Variants in PDE4B observed in about 807,000 individuals in gnomAD.
PDE4B encodes the protein phosphodiesterase 4B.
PDE4B carries 20 observed loss-of-function variants against 82.2 expected under a neutral mutation model. The ratio of observed to expected loss-of-function variants is 0.24; its 90% CI spans 0.17 to 0.35. PDE4B has a LOEUF of 0.35. Among genes scored for constraint, PDE4B ranks in the 10% least tolerant of loss-of-function variants. The pLI is 1.00. For synonymous variants in PDE4B, 320 were observed against 318.9 expected (o/e 1.00, Z -0.04); for missense variants, 655 against 907.2 (o/e 0.72, Z 3.57).
intron 6 of PDE4B, among the ~76,000 whole-genome samples, chr1:66,262,784 C>T (rs1416974830): frequency 6.6e-6 from 1 of 152,146 alleles, no homozygotes; most frequent in Non-Finnish European, 1.5e-5. Context: ...CCAAAGCTTC[C>T]ACACAGAGAT....
At chr1:66,218,772 A>G (rs1650718050) in intron 3 of PDE4B, among the ~76,000 whole-genome samples, 2 of 152,108 alleles carry the variant, frequency 1.3e-5, no homozygotes, top group Admixed American at 6.6e-5. Context: ...ATATTTATTC[A>G]TTTTAGCACT....
chr1:65,797,991 A>C (rs910592088), intron 1 of PDE4B, among the ~76,000 whole-genome samples: 2 of 151,928 alleles, frequency 1.3e-5, no homozygotes, highest in African/African-American at 4.8e-5. Flanking sequence ...TTATTTTTTA[A>C]TTTTAAAAAT....
intron 3 of PDE4B, among the ~76,000 whole-genome samples, chr1:66,156,769 A>T (rs1391367067): frequency 6.6e-6 from 1 of 152,164 alleles, no homozygotes; most frequent in Non-Finnish European, 1.5e-5. Flanking sequence ...AGGAATGCCC[A>T]TCGTGTCTAT....
chr1:66,050,109 A>G (rs1654936353), intron 3 of PDE4B, among the ~76,000 whole-genome samples: 1 of 152,128 alleles, frequency 6.6e-6, no homozygotes, highest in African/African-American at 2.4e-5. Flanking sequence ...TATATCCTCA[A>G]CAAATTAAAG....
In PDE4B at chr1:66,362,715, A is replaced by G. The variant is rs116613968; in HGVS notation, c.1021-453A>G. On this transcript the variant is annotated intron_variant, in intron 10 of 16. Coordinates refer to ENST00000341517, the MANE Select transcript of PDE4B (RefSeq NM_002600.4). Reference sequence around the variant, plus strand: ...ATTGGGTTGACTTATGCACATTCTGATAGCTGAGTCTTCCTGATCTGGCCT... The same window carrying G: ...ATTGGGTTGACTTATGCACATTCTGGTAGCTGAGTCTTCCTGATCTGGCCT... 5.6e-3 allele frequency among the ~76,000 whole-genome samples: 857 copies of G among 152,226 alleles called. 9 individuals are homozygous for G. The highest frequency in any genetic ancestry group is 0.02 in the African/African-American group (812 of 41,542).
chr1:66,148,051 C>G (rs978792728), intron 3 of PDE4B, among the ~76,000 whole-genome samples: 1 of 152,088 alleles, frequency 6.6e-6, no homozygotes, highest in African/African-American at 2.4e-5. Flanking sequence ...TAGATGGATT[C>G]TTGAGGTCAG....
chr1:65,889,853 G>T (rs940975726), intron 1 of PDE4B, among the ~76,000 whole-genome samples: 2 of 152,008 alleles, frequency 1.3e-5, no homozygotes, highest in African/African-American at 4.8e-5. Context: ...TGTTCCTATG[G>T]AATACATGAC....
At chr1:66,081,793 G>A (rs1488096838) in intron 3 of PDE4B, among the ~76,000 whole-genome samples, 1 of 149,452 alleles carries the variant, frequency 6.7e-6, no homozygotes, top group Non-Finnish European at 1.5e-5. Flanking sequence ...TTCTACACGG[G>A]AGTGAAAAGT....
At chr1:66,328,983 T>C (rs1342519095) in intron 7 of PDE4B, among the ~76,000 whole-genome samples, 3 of 152,188 alleles carry the variant, frequency 2.0e-5, no homozygotes, top group African/African-American at 7.2e-5. Flanking sequence ...TTGTCTGCTG[T>C]GGATAGGGGC....
chr1:65,946,720 A>G (rs1648732484), intron 3 of PDE4B, among the ~76,000 whole-genome samples: 1 of 151,990 alleles, frequency 6.6e-6, no homozygotes. Flanking sequence ...TTCCAGTACT[A>G]TAGGTGATGT....
In PDE4B at chr1:66,210,595, C is replaced by CAAA. The variant is rs35825766; in HGVS notation, c.282-36843_282-36841dup. ...TGGGTGACAGAGTGAGACTCCATCT[C>CAAA]AAAAAAAAAAAAAAAAAAAAAAAAG... is the stretch of plus-strand genomic sequence containing the variant. On this transcript the variant is annotated intron_variant, in intron 3 of 16. Transcript: ENST00000341517. Among the ~76,000 whole-genome samples, 161 of 45,692 alleles carry CAAA rather than the reference C, an allele frequency of 3.5e-3. 2 individuals carry two copies. Among genetic ancestry groups the CAAA allele is most frequent in the African/African-American group, 5.6e-3 (66 of 11,728 alleles). 30.0% of individuals were successfully genotyped at this position (45,692 alleles called of 152,430 possible). A position where few individuals can be genotyped will look rare whatever the true frequency, so the allele number is the denominator to read the frequency against.
chr1:66,330,915 GA>G (rs940508731), intron 7 of PDE4B: 218 of 451,290 alleles, frequency 4.8e-4, no homozygotes, highest in Middle Eastern at 1.2e-3. Context: ...TGAAGAGTGT[GA>G]AAAAAAAATG....
At chr1:66,274,163 ATT>A (rs113124574) in intron 7 of PDE4B, among the ~76,000 whole-genome samples, 7 of 143,288 alleles carry the variant, frequency 4.9e-5, no homozygotes, top group Admixed American at 6.9e-5. Flanking sequence ...AAAAATGGGC[ATT>A]TTTTTTTTTT....
intron 3 of PDE4B, among the ~76,000 whole-genome samples, chr1:66,130,339 T>C (rs573541437): frequency 6.6e-6 from 1 of 152,370 alleles, no homozygotes; most frequent in South Asian, 2.1e-4. Context: ...GTTCATTCAT[T>C]TATTCTTTCA....
intron 6 of PDE4B, among the ~76,000 whole-genome samples, 187 bp downstream of exon 6, chr1:66,258,050 C>T (rs1443016789): frequency 6.6e-6 from 1 of 152,138 alleles, no homozygotes; most frequent in African/African-American, 2.4e-5. Context: ...CTATAAGTAA[C>T]CTAGTCTGGG....
At chr1:66,357,170 G>C (rs1662320536) in intron 9 of PDE4B, among the ~76,000 whole-genome samples, 1 of 152,104 alleles carries the variant, frequency 6.6e-6, no homozygotes, top group African/African-American at 2.4e-5. Context: ...AAATACGAGG[G>C]CTTGAAGACT....
chr1:66,243,554 G>A (rs1422886103), intron 3 of PDE4B, among the ~76,000 whole-genome samples: 1 of 152,232 alleles, frequency 6.6e-6, no homozygotes, highest in East Asian at 1.9e-4. Context: ...AGGAGCATGT[G>A]TCAAAATCAA....
intron 3 of PDE4B, among the ~76,000 whole-genome samples, chr1:66,129,812 G>A (rs1645903199): frequency 6.6e-6 from 1 of 151,954 alleles, no homozygotes; most frequent in Non-Finnish European, 1.5e-5. Context: ...TAAAATATGG[G>A]AACTATTCCA....
At chr1:66,083,714 A>G (rs916947646) in intron 3 of PDE4B, among the ~76,000 whole-genome samples, 1 of 152,060 alleles carries the variant, frequency 6.6e-6, no homozygotes, top group African/African-American at 2.4e-5. Flanking sequence ...TATCTCCATA[A>G]CCTAAGTGCT....
Sources: allele counts gnomAD v4.1 joint callset (sites outside exome capture counted in the v4.1 genomes callset), GRCh38; gene constraint gnomAD v4.1.1; transcripts MANE v1.5; gene names NCBI Gene and HGNC (gene_info 2026-07-23, HGNC 2026-07-21).